LMNTD1: variants seen among roughly 807,000 people sequenced by gnomAD.
LMNTD1 encodes the protein lamin tail domain-containing protein 1.
Under a neutral mutation model 50.9 loss-of-function variants are expected in LMNTD1, and 35 were observed. The ratio of observed to expected loss-of-function variants is 0.69; its 90% CI spans 0.53 to 0.91. The LOEUF (loss-of-function observed/expected upper bound fraction) is 0.91, where lower values mean the gene tolerates loss of function less well. LMNTD1 is among the 40% of genes least tolerant of loss of function. The probability of loss-of-function intolerance (pLI) is 0.00; values close to 1 mark genes in which losing one functional copy is unlikely to be tolerated. For synonymous variants in LMNTD1, 153 were observed against 161.9 expected, an observed-to-expected ratio of 0.94 and a Z score of 0.42; for missense variants, 470 against 475.5, an observed-to-expected ratio of 0.99 and a Z score of 0.11.
At chr12:25,508,862 C>T (rs1004645437) in intron 8 of LMNTD1, among the ~76,000 whole-genome samples, 3 of 151,900 alleles carry the variant, frequency 2.0e-5, no homozygotes, top group African/African-American at 7.3e-5. Flanking sequence ...TATCATTCGT[C>T]AGATTAAGAA....
At chr12:25,530,218 A>G (rs1000385807) in intron 4 of LMNTD1, among the ~76,000 whole-genome samples, 2 of 152,202 alleles carry the variant, frequency 1.3e-5, no homozygotes, top group Non-Finnish European at 2.9e-5. Context: ...TTCGTAGCAT[A>G]GTATTTAATT....
At chr12:25,615,358 C>A (rs1378254121) in intron 1 of LMNTD1, among the ~76,000 whole-genome samples, 2 of 152,076 alleles carry the variant, frequency 1.3e-5, no homozygotes, top group African/African-American at 2.4e-5. Context: ...TTGGAAGCAC[C>A]TTTCCAATTC....
At chr12:25,647,417 G>A (rs566536274) in intron 1 of LMNTD1, among the ~76,000 whole-genome samples, 152 of 152,276 alleles carry the variant, frequency 1.0e-3, no homozygotes, top group Non-Finnish European at 1.7e-3. Context: ...TGAGCCTGGG[G>A]GGGCAGAGGT....
chr12:25,638,952 C>T (rs1006293980), intron 1 of LMNTD1, among the ~76,000 whole-genome samples: 1 of 152,156 alleles, frequency 6.6e-6, no homozygotes, highest in Non-Finnish European at 1.5e-5. Context: ...ATGTGGTCCT[C>T]TGGCAGTGGG....
intron 1 of LMNTD1, among the ~76,000 whole-genome samples, chr12:25,603,069 A>G (rs996182197): frequency 6.6e-6 from 1 of 152,052 alleles, no homozygotes; most frequent in African/African-American, 2.4e-5. Context: ...ACACATCACA[A>G]TAAGGTGTTC....
intron 4 of LMNTD1, among the ~76,000 whole-genome samples, chr12:25,541,391 G>C (rs1203435444): frequency 6.8e-6 from 1 of 147,544 alleles, no homozygotes; most frequent in Non-Finnish European, 1.5e-5. Context: ...CAATGGAACA[G>C]AACAGAGCCC....
At chr12:25,619,158 G>A (rs567714466) in intron 1 of LMNTD1, among the ~76,000 whole-genome samples, 1 of 151,554 alleles carries the variant, frequency 6.6e-6, no homozygotes, top group South Asian at 2.1e-4. Flanking sequence ...TTGTACAGGA[G>A]TTTCTCTAGA....
At chr12:25,626,591 T>G (rs1280131271) in intron 1 of LMNTD1, among the ~76,000 whole-genome samples, 4 of 152,186 alleles carry the variant, frequency 2.6e-5, no homozygotes, top group Admixed American at 2.6e-4. Context: ...TTCCTAACAG[T>G]ACTCAGTAAA....
intron 7 of LMNTD1, among the ~76,000 whole-genome samples, chr12:25,519,355 G>T (rs1941072019): frequency 1.0e-5 from 1 of 96,394 alleles, no homozygotes; most frequent in African/African-American, 3.1e-5. Context: ...ACTTTGGGAG[G>T]CCAAGGCGGG....
chr12:25,519,023 A>C (rs976091963), intron 7 of LMNTD1, 56 bp from the exon 8 acceptor site: 4 of 1,534,842 alleles, frequency 2.6e-6, no homozygotes, highest in Non-Finnish European at 3.6e-6. Flanking sequence ...CTGTGGTGTT[A>C]ATGTTGAAGG....
intron 1 of LMNTD1, among the ~76,000 whole-genome samples, chr12:25,620,237 T>A (rs1345921788): frequency 6.6e-6 from 1 of 152,196 alleles, no homozygotes; most frequent in Non-Finnish European, 1.5e-5. Context: ...CATGCAATGT[T>A]TTCAAAGGGC....
In LMNTD1 at chr12:25,503,749, G is replaced by C. The variant is rs768528995; in HGVS notation, c.*11C>G. The C allele has an allele frequency of 2.0e-5, 32 of 1,567,314 alleles. 1 individual carries two copies. The South Asian group carries it at 3.6e-4, about 17-fold the overall frequency. ...ATACAGTTACTTACCTTTAAAGGTT[G>C]AGTTGACTGCTTATTGCTTTTGTGA... On this transcript the variant is annotated 3_prime_UTR_variant, in exon 9 of 10. Coordinates refer to ENST00000458174, the MANE Select transcript of LMNTD1 (RefSeq NM_001145728.2).
chr12:25,614,171 G>A (rs1946304441), intron 1 of LMNTD1, among the ~76,000 whole-genome samples: 1 of 152,156 alleles, frequency 6.6e-6, no homozygotes, highest in African/African-American at 2.4e-5. Context: ...GGTGGGGTAA[G>A]CGATGTCCTC....
chr12:25,517,478 C>A lies in LMNTD1; in HGVS notation c.1189+1317G>T, dbSNP rs375448695. 2.7e-4 allele frequency among the ~76,000 whole-genome samples: 11 copies of A among 40,376 alleles called. 5 individuals are homozygous for A. The highest frequency in any genetic ancestry group is 6.5e-4 in the Admixed American group (2 of 3,096). The allele number at this position is 40,376 out of a possible 152,430, so 26.5% of individuals were successfully genotyped here. ...AAGAACAAAAAACCAAACACCGCATCTTCTCACTCATAGGTGGGAATTGAA... is the reference window on the plus strand; with the variant it reads ...AAGAACAAAAAACCAAACACCGCATATTCTCACTCATAGGTGGGAATTGAA... On this transcript the variant is annotated intron_variant, in intron 8 of 9. Coordinates refer to ENST00000458174, the MANE Select transcript of LMNTD1 (RefSeq NM_001145728.2).
At chr12:25,601,440 A>G (rs1049132779) in intron 1 of LMNTD1, among the ~76,000 whole-genome samples, 3 of 151,968 alleles carry the variant, frequency 2.0e-5, no homozygotes, top group Non-Finnish European at 4.4e-5. Flanking sequence ...TTCATTATAC[A>G]TTTTAAAATA....
intron 1 of LMNTD1, among the ~76,000 whole-genome samples, chr12:25,559,194 C>G (rs1053126207): frequency 6.6e-6 from 1 of 152,042 alleles, no homozygotes; most frequent in Non-Finnish European, 1.5e-5. Flanking sequence ...ATACCTCCCC[C>G]CTGCCCCCAC....
intron 8 of LMNTD1, among the ~76,000 whole-genome samples, chr12:25,506,954 A>G (rs1332786121): frequency 6.6e-6 from 1 of 151,948 alleles, no homozygotes; most frequent in Non-Finnish European, 1.5e-5. Flanking sequence ...ATCTTGGCTC[A>G]CTGCAACCTC....
rs1939527055 is a variant in LMNTD1, at chr12:25,503,814, A to C, written c.1190-14T>G. The C allele has an allele frequency of 6.7e-7, 1 of 1,490,146 alleles. No homozygotes were observed. The highest frequency in any genetic ancestry group is 1.2e-5 in the South Asian group (1 of 82,528). The allele number at this position is 1,490,146 out of a possible 1,614,324, so 92.3% of individuals were successfully genotyped here. A position where few individuals can be genotyped will look rare whatever the true frequency, so the allele number is the denominator to read the frequency against. On this transcript the variant is annotated splice_polypyrimidine_tract_variant and intron_variant, in intron 8 of 9. Transcript: ENST00000458174. ...TTTTCTTAGACCCTGAAAATTAAAA[A>C]AAATAATTAAAAAAAGGAGAGAGGC...
intron 1 of LMNTD1, among the ~76,000 whole-genome samples, chr12:25,578,025 G>T (rs1945108913): frequency 6.6e-6 from 1 of 152,050 alleles, no homozygotes; most frequent in Admixed American, 6.6e-5. Flanking sequence ...TTCTTCCCTT[G>T]TTCACCTGCC....
Sources: allele counts gnomAD v4.1 joint callset (sites outside exome capture counted in the v4.1 genomes callset), GRCh38; gene constraint gnomAD v4.1.1; transcripts MANE v1.5; gene names NCBI Gene and HGNC (gene_info 2026-07-23, HGNC 2026-07-21).